The following ASB18 variants were observed in gnomAD, a reference collection of about 807,000 sequenced individuals.
ASB18 encodes ankyrin repeat and SOCS box protein 18.
In ASB18, 33 loss-of-function variants were observed where a neutral mutation model predicts 33.4. The ratio of observed to expected loss-of-function variants is 0.99; its 90% confidence interval spans 0.75 to 1.32. The LOEUF (loss-of-function observed/expected upper bound fraction) is 1.32. ASB18 is among the 40% of genes most tolerant of loss of function. The pLI is 0.00. For missense variants in ASB18, 694 were observed against 655.5 expected (o/e 1.06, Z -0.64); for synonymous variants, 295 against 307.6 (o/e 0.96, Z 0.43).
chr2:236,231,638 A>G lies in ASB18; in HGVS notation c.596+6051T>C, dbSNP rs1360523898. The stretch of plus-strand genomic sequence containing the variant: ...TCACCCCTGGCTAAGCGTTCTCGCT[A>G]TGTTGCTCAGGCTGGTCTCAAACTC... On this transcript the variant is annotated intron_variant, in intron 3 of 5. Transcript: ENST00000409749. This position sits in a 1 kb window ranked among gnomAD's most constrained non-coding sequence, Gnocchi z 5.5. Among the ~76,000 whole-genome samples, 20 of 152,148 alleles carry G rather than the reference A, an allele frequency of 1.3e-4. No homozygotes were observed. The highest frequency in any genetic ancestry group is 8.5e-4 in the Admixed American group (13 of 15,280).
At position 236,245,803 on chromosome 2, in the gene ASB18, G is replaced by C. The variant is rs940020428; in HGVS notation, c.206-4401C>G. Among the ~76,000 whole-genome samples the C allele has an allele frequency of 6.6e-6, 1 of 152,186 alleles. No homozygotes were observed. The highest frequency in any genetic ancestry group is 1.5e-5 in the Non-Finnish European group (1 of 68,034). On this transcript the variant is annotated intron_variant, in intron 1 of 5. Transcript: ENST00000409749. The surrounding 1 kb of genome is among the most constrained non-coding windows in gnomAD (Gnocchi z 4.7). The stretch of plus-strand genomic sequence containing the variant: ...CCGCATGGTGTTCCACACAGAGAAG[G>C]TCTTCAATGCCAACAGTGAAGAGAA...
At position 236,218,832 on chromosome 2, in the gene ASB18, A is replaced by G. The variant is rs551852950; in HGVS notation, c.597-3966T>C. Among the ~76,000 whole-genome samples the G allele has an allele frequency of 7.3e-5, 11 of 151,268 alleles. No homozygotes were observed. The South Asian group carries it at 2.3e-3, about 32-fold the overall frequency. On this transcript the variant is annotated intron_variant, in intron 3 of 5. Coordinates refer to ENST00000409749, the MANE Select transcript of ASB18 (RefSeq NM_212556.4). ...AAAAAAAAAAGAAAAAGAAACCAGA[A>G]ATTTTTCATTTTATTTTTTAATTGA...
rs1472568765 is a variant in ASB18, at chr2:236,216,152, T to A, written c.597-1286A>T. On this transcript the variant is annotated intron_variant, in intron 3 of 5. Transcript: ENST00000409749. The surrounding 1 kb of genome is among the most constrained non-coding windows in gnomAD (Gnocchi z 6.1). Reference sequence around the variant, plus strand: ...TTCTCTGCGGGTCTGCCGAGCCCTGTTGGAGGACGCAGCCTTCATGGAGCT... The same window carrying A: ...TTCTCTGCGGGTCTGCCGAGCCCTGATGGAGGACGCAGCCTTCATGGAGCT... 1.3e-5 allele frequency among the ~76,000 whole-genome samples: 2 copies of A among 152,184 alleles called. No individual in the cohort carries two copies. The highest frequency in any genetic ancestry group is 2.9e-5 in the Non-Finnish European group (2 of 68,024).
In ASB18 at chr2:236,222,330, G is replaced by C. The variant is rs1277663625; in HGVS notation, c.597-7464C>G. Among the ~76,000 whole-genome samples the C allele has an allele frequency of 1.3e-5, 2 of 152,200 alleles. No homozygotes were observed. The highest frequency in any genetic ancestry group is 2.9e-5 in the Non-Finnish European group (2 of 68,042). On this transcript the variant is annotated intron_variant, in intron 3 of 5. Transcript: ENST00000409749. The surrounding 1 kb of genome is among the most constrained non-coding windows in gnomAD (Gnocchi z 5.5). ...AATCCTTCAGGGTAGGAGGGCGACT[G>C]AGAAGAGAAACTGGTTGGCCATTTC...
In ASB18 at chr2:236,201,408, T is replaced by G. The variant is rs373793857; in HGVS notation, c.1102-5023A>C. The stretch of plus-strand genomic sequence containing the variant: ...GGTTCACGCGATCTTCCCACTGCAG[T>G]CTCCCAAAGCGCTGGGATTATAGAT... On this transcript the variant is annotated intron_variant, in intron 4 of 5. Transcript: ENST00000409749. Among the ~76,000 whole-genome samples the G allele has an allele frequency of 3.9e-5, 6 of 152,192 alleles. No homozygotes were observed. In the East Asian group the frequency reaches 1.2e-3, roughly 29 times the overall value.
Position 236,243,653 on chromosome 2 carries a change from G to T in ASB18, c.206-2251C>A, listed in dbSNP as rs922192067. Among the ~76,000 whole-genome samples the T allele has an allele frequency of 3.3e-5, 5 of 151,150 alleles. 1 individual carries two copies. The highest frequency in any genetic ancestry group is 1.2e-4 in the African/African-American group (5 of 41,098). On this transcript the variant is annotated intron_variant, in intron 1 of 5. Transcript: ENST00000409749. Reference sequence around the variant, plus strand: ...AGGGACAGAGAACTGATCCCTAAATGTGCATCCCTTGCTGAAGATGAGTAA... The same window carrying T: ...AGGGACAGAGAACTGATCCCTAAATTTGCATCCCTTGCTGAAGATGAGTAA...
At position 236,220,898 on chromosome 2, in the gene ASB18, A is replaced by G. The variant is rs1352848735; in HGVS notation, c.597-6032T>C. 6.6e-6 allele frequency among the ~76,000 whole-genome samples: 1 copy of G among 151,806 alleles called. No homozygotes were observed. The highest frequency in any genetic ancestry group is 1.5e-5 in the Non-Finnish European group (1 of 67,976). On this transcript the variant is annotated intron_variant, in intron 3 of 5. Coordinates refer to ENST00000409749, the MANE Select transcript of ASB18 (RefSeq NM_212556.4). This position sits in a 1 kb window ranked among gnomAD's most constrained non-coding sequence, Gnocchi z 5.1. ...AAGGAGAAGTGTTTCTCCTCTTATC[A>G]CTCCACAGGAATTCCTGGACAGACT...
At position 236,241,824 on chromosome 2, in the gene ASB18, A is replaced by G. The variant is rs768913251; in HGVS notation, c.206-422T>C. Among the ~76,000 whole-genome samples the G allele has an allele frequency of 6.6e-6, 1 of 152,182 alleles. No homozygotes were observed. The highest frequency in any genetic ancestry group is 2.4e-5 in the African/African-American group (1 of 41,434). On this transcript the variant is annotated intron_variant, in intron 1 of 5. Transcript: ENST00000409749. The surrounding 1 kb of genome is among the most constrained non-coding windows in gnomAD (Gnocchi z 4.2). ...TGCACCGAGGGCAGACTCCCAGCAC[A>G]CATTTAATTGTGATGGACTCATTTA...
In ASB18 at chr2:236,241,600, T is replaced by A; in HGVS notation, c.206-198A>T. ...GGAGTGTGAGCTATTTCTATTGTCA[T>A]TACTCAATTGTCATCCAGTTGGGGC... On this transcript the variant is annotated intron_variant, in intron 1 of 5. Transcript: ENST00000409749. This position sits in a 1 kb window ranked among gnomAD's most constrained non-coding sequence, Gnocchi z 4.2. 2 of 689,120 alleles carry A rather than the reference T, an allele frequency of 2.9e-6. No individual in the cohort carries two copies. The highest frequency in any genetic ancestry group is 5.4e-5 in the East Asian group (2 of 37,026). The allele number at this position is 689,120 out of a possible 1,614,324, so 42.7% of individuals were successfully genotyped here.
chr2:236,208,154 A>G lies in ASB18; in HGVS notation c.1101+6208T>C, dbSNP rs1277122648. Among the ~76,000 whole-genome samples the G allele has an allele frequency of 6.6e-6, 1 of 152,002 alleles. No individual in the cohort carries two copies. The highest frequency in any genetic ancestry group is 1.5e-5 in the Non-Finnish European group (1 of 67,996). On this transcript the variant is annotated intron_variant, in intron 4 of 5. Coordinates refer to ENST00000409749, the MANE Select transcript of ASB18 (RefSeq NM_212556.4). This position sits in a 1 kb window ranked among gnomAD's most constrained non-coding sequence, Gnocchi z 7.7. ...GGCTTGGCAGGCTTTACGGAAAGAG[A>G]GAGACAGAGCATGAACACGGAGACA...
Position 236,264,377 on chromosome 2 carries a change from C to G in ASB18, c.-32G>C, listed in dbSNP as rs763133723. 5.1e-6 allele frequency: 8 copies of G among 1,576,874 alleles called. No individual in the cohort carries two copies. In the South Asian group the frequency reaches 7.8e-5, roughly 15 times the overall value. On this transcript the variant is annotated 5_prime_UTR_variant, in exon 1 of 6. Coordinates refer to ENST00000409749, the MANE Select transcript of ASB18 (RefSeq NM_212556.4). The surrounding 1 kb of genome is among the most constrained non-coding windows in gnomAD (Gnocchi z 5.1). ...GTCGTTTCTGCAGTGACCAGCCCTT[C>G]TTTTCTTCCTCTAAAGCGACTCCAA...
Position 236,200,109 on chromosome 2 carries a change from G to C in ASB18, c.1102-3724C>G, listed in dbSNP as rs1207411739. Among the ~76,000 whole-genome samples the C allele has an allele frequency of 6.6e-6, 1 of 152,172 alleles. No homozygotes were observed. Among genetic ancestry groups the C allele is most frequent in the Non-Finnish European group, 1.5e-5 (1 of 68,038 alleles). ...CTCCTGTAATTCCAGCATTTTGGGA[G>C]GCCGAGGTGGGTGGATCACCTGAGG... is the stretch of plus-strand genomic sequence containing the variant. On this transcript the variant is annotated intron_variant, in intron 4 of 5. Transcript: ENST00000409749. This position sits in a 1 kb window ranked among gnomAD's most constrained non-coding sequence, Gnocchi z 4.2.
rs1402047986 is a variant in ASB18, at chr2:236,216,240, T to A, written c.597-1374A>T. Among the ~76,000 whole-genome samples the A allele has an allele frequency of 3.9e-5, 6 of 152,230 alleles. No individual in the cohort carries two copies. Among genetic ancestry groups the A allele is most frequent in the Non-Finnish European group, 7.3e-5 (5 of 68,034 alleles). On this transcript the variant is annotated intron_variant, in intron 3 of 5. Coordinates refer to ENST00000409749, the MANE Select transcript of ASB18 (RefSeq NM_212556.4). The surrounding 1 kb of genome is among the most constrained non-coding windows in gnomAD (Gnocchi z 6.1). ...TTTCAGTGTTAAGGCCACCTCCTCA[T>A]GCCTTGCTCTCCACTAACCACTCCT...
rs1172471608 is a variant in ASB18, at chr2:236,196,204, C to T, written c.1215+68G>A. On this transcript the variant is annotated intron_variant, in intron 5 of 5. Transcript: ENST00000409749. The surrounding 1 kb of genome is among the most constrained non-coding windows in gnomAD (Gnocchi z 5.6). Reference sequence around the variant, plus strand: ...TTAGCCGAATATCAGTGCAAAACTCCCCATGCAAAGAAGCAAAAACAGACA... The same window carrying T: ...TTAGCCGAATATCAGTGCAAAACTCTCCATGCAAAGAAGCAAAAACAGACA... The T allele has an allele frequency of 4.9e-6, 4 of 814,856 alleles. No homozygotes were observed. The Admixed American group carries it at 8.0e-5, about 16-fold the overall frequency. 50.5% of individuals were successfully genotyped at this position (814,856 alleles called of 1,614,324 possible). A position where few individuals can be genotyped will look rare whatever the true frequency, so the allele number is the denominator to read the frequency against.
intron 4 of ASB18, among the ~76,000 whole-genome samples, chr2:236,210,758 GT>G (rs2060455715): frequency 6.6e-6 from 1 of 152,204 alleles, no homozygotes; most frequent in South Asian, 2.1e-4. Flanking sequence ...AGCTGGCCAT[GT>G]AAACTGAGCG....
rs372801945 is a variant in ASB18 at position 236,199,384 on chromosome 2, C to G, written c.1102-2999G>C. ...CTGAGATCATGCCACTGCACTCCAG[C>G]CTGGGTGACAGGGTGAGACTCTGTT... On this transcript the variant is annotated intron_variant, in intron 4 of 5. Coordinates refer to ENST00000409749, the MANE Select transcript of ASB18 (RefSeq NM_212556.4). Among the ~76,000 whole-genome samples, 938 of 149,026 alleles carry G rather than the reference C, an allele frequency of 6.3e-3. 5 individuals carry two copies. The highest frequency in any genetic ancestry group is 0.022 in the African/African-American group (893 of 40,154).
intron 4 of ASB18, among the ~76,000 whole-genome samples, chr2:236,197,115 C>T (rs1004431626): frequency 1.3e-5 from 2 of 151,950 alleles, no homozygotes; most frequent in African/African-American, 4.8e-5. Flanking sequence ...ATCCACTTCT[C>T]CTAAGATTAA....
At position 236,194,840 on chromosome 2, in the gene ASB18, G is replaced by A; in HGVS notation, c.*32C>T. ...GGCCTCCATGGAAGGTCAGCGAGGA[G>A]AACAACAGTATTGGTTGCAGCGTTC... On this transcript the variant is annotated 3_prime_UTR_variant, in exon 6 of 6. Coordinates refer to ENST00000409749, the MANE Select transcript of ASB18 (RefSeq NM_212556.4). The surrounding 1 kb of genome is among the most constrained non-coding windows in gnomAD (Gnocchi z 4.5). 1 of 1,587,640 alleles carries A rather than the reference G, an allele frequency of 6.3e-7. No individual in the cohort carries two copies. The highest frequency in any genetic ancestry group is 8.6e-7 in the Non-Finnish European group (1 of 1,163,174).
At position 236,217,424 on chromosome 2, in the gene ASB18, A is replaced by AAAAAAAAAAT. The variant is rs1553600511; in HGVS notation, c.597-2559_597-2558insATTTTTTTTT. On this transcript the variant is annotated intron_variant, in intron 3 of 5. Coordinates refer to ENST00000409749, the MANE Select transcript of ASB18 (RefSeq NM_212556.4). The surrounding 1 kb of genome is among the most constrained non-coding windows in gnomAD (Gnocchi z 5.2). ...CGAGACTCTGTCTCAAAAAAAAAAA[A>AAAAAAAAAAT]AAATAAATCTTGGCACCTTCAACTC... 4.6e-3 allele frequency among the ~76,000 whole-genome samples: 695 copies of AAAAAAAAAAT among 150,386 alleles called. 7 individuals are homozygous for AAAAAAAAAAT. Among genetic ancestry groups the AAAAAAAAAAT allele is most frequent in the African/African-American group, 0.016 (656 of 40,496 alleles).
Sources: gnomAD v4.1 joint callset for allele counts (sites outside exome capture counted in the v4.1 genomes callset) on GRCh38, gnomAD v4.1.1 for gene constraint, Gnocchi (gnomAD v3.1) non-coding constraint, MANE v1.5 for transcripts, NCBI Gene and HGNC (gene_info 2026-07-23, HGNC 2026-07-21) for gene names.